The following PXDNL variants were observed in gnomAD, a reference collection of about 807,000 sequenced individuals.
PXDNL encodes probable oxidoreductase PXDNL.
A neutral mutation model predicts 150.8 loss-of-function variants in PXDNL; 145 were observed. That is an observed-to-expected ratio of 0.96 (90% CI 0.84 to 1.10). The LOEUF is 1.10. Among genes scored for constraint, PXDNL ranks in the 50% least tolerant of loss-of-function variants. The pLI is 0.00. For missense variants in PXDNL, 2,087 were observed against 1,873.9 expected (o/e 1.11, Z -2.10); for synonymous variants, 757 against 725.7 (o/e 1.04, Z -0.69).
At chr8:51,363,335 C>A (rs1261504907) in intron 19 of PXDNL, among the ~76,000 whole-genome samples, 1 of 151,746 alleles carries the variant, frequency 6.6e-6, no homozygotes, top group Admixed American at 6.6e-5. Flanking sequence ...GTAGACAAAA[C>A]CCCTCAGACA....
chr8:51,497,898 A>T (rs1244005489), intron 5 of PXDNL, among the ~76,000 whole-genome samples: 1 of 152,204 alleles, frequency 6.6e-6, no homozygotes, highest in Non-Finnish European at 1.5e-5. Context: ...CTAGAACTAG[A>T]AATATCATTT....
chr8:51,377,505 G>A (rs1446193512), intron 17 of PXDNL, among the ~76,000 whole-genome samples: 1 of 152,206 alleles, frequency 6.6e-6, no homozygotes, highest in East Asian at 1.9e-4. Context: ...TCAGCTTGCA[G>A]GGAGGTGTGG....
intron 1 of PXDNL, among the ~76,000 whole-genome samples, chr8:51,685,661 C>T (rs1180446472): frequency 6.6e-6 from 1 of 152,166 alleles, no homozygotes; most frequent in Admixed American, 6.5e-5. Flanking sequence ...TACACATAGG[C>T]ATTGTGGTGT....
intron 2 of PXDNL, among the ~76,000 whole-genome samples, chr8:51,626,859 G>C (rs1283358285): frequency 6.6e-6 from 1 of 152,154 alleles, no homozygotes; most frequent in Non-Finnish European, 1.5e-5. Context: ...TGTAAGTGGT[G>C]AGTGATGGCA....
At chr8:51,786,469 A>T (rs1284873883) in intron 1 of PXDNL, among the ~76,000 whole-genome samples, 1 of 152,114 alleles carries the variant, frequency 6.6e-6, no homozygotes, top group Non-Finnish European at 1.5e-5. Flanking sequence ...TTGGCCTCCC[A>T]AAGTGTGGAA....
At chr8:51,387,983 G>A (rs938486746) in intron 17 of PXDNL, among the ~76,000 whole-genome samples, 1 of 152,070 alleles carries the variant, frequency 6.6e-6, no homozygotes, top group Non-Finnish European at 1.5e-5. Flanking sequence ...TGTAAAAAAT[G>A]ACTTCAGGGT....
chr8:51,756,268 G>A (rs1046141270), intron 1 of PXDNL, among the ~76,000 whole-genome samples: 42 of 151,872 alleles, frequency 2.8e-4, no homozygotes, highest in Middle Eastern at 3.4e-3. Flanking sequence ...GTGGTGCGCC[G>A]GCAGTCTCTG....
intron 18 of PXDNL, among the ~76,000 whole-genome samples, chr8:51,374,017 A>G (rs1807216968): frequency 6.6e-6 from 1 of 152,242 alleles, no homozygotes; most frequent in African/African-American, 2.4e-5. Flanking sequence ...ATTTACAATG[A>G]ACATTTTAGA....
chr8:51,578,702 C>T (rs1563471661), intron 3 of PXDNL, among the ~76,000 whole-genome samples: 2 of 151,884 alleles, frequency 1.3e-5, no homozygotes, highest in African/African-American at 4.8e-5. Context: ...AACTGTCTAC[C>T]TGGCTTCAGG....
chr8:51,324,145 T>TTAC (rs1254339724), intron 21 of PXDNL, among the ~76,000 whole-genome samples: 1 of 152,228 alleles, frequency 6.6e-6, no homozygotes, highest in Non-Finnish European at 1.5e-5. Flanking sequence ...TTGTATCCTG[T>TTAC]AACCTTGCTC....
intron 4 of PXDNL, among the ~76,000 whole-genome samples, chr8:51,533,587 CT>C (rs1393701789): frequency 6.8e-6 from 1 of 148,026 alleles, no homozygotes; most frequent in Non-Finnish European, 1.5e-5. Context: ...TCACTGCAAC[CT>C]CCCTGCCTGA....
chr8:51,583,950 G>A (rs180784554), intron 3 of PXDNL, among the ~76,000 whole-genome samples: 6 of 152,068 alleles, frequency 3.9e-5, no homozygotes, highest in Admixed American at 1.3e-4. Context: ...TGGATGAGTC[G>A]CCCAAAGAGG....
chr8:51,407,150 T>C (rs1442991960), intron 17 of PXDNL, among the ~76,000 whole-genome samples: 1 of 152,204 alleles, frequency 6.6e-6, no homozygotes, highest in Admixed American at 6.5e-5. Flanking sequence ...TCCAAATCAA[T>C]GTCCTTTCCA....
intron 5 of PXDNL, among the ~76,000 whole-genome samples, chr8:51,491,727 C>CA (rs1810900406): frequency 6.6e-6 from 1 of 152,174 alleles, no homozygotes; most frequent in South Asian, 2.1e-4. Flanking sequence ...TTATTGGCTA[C>CA]ACGACAAAAA....
At chr8:51,339,560 A>G in intron 21 of PXDNL, 64 bp downstream of exon 21, 2 of 1,508,264 alleles carry the variant, frequency 1.3e-6, no homozygotes, top group Non-Finnish European at 1.8e-6. Context: ...TACTGGACAA[A>G]TCTTTTATGT....
chr8:51,544,869 G>A (rs1234976773), intron 4 of PXDNL, among the ~76,000 whole-genome samples: 1 of 151,712 alleles, frequency 6.6e-6, no homozygotes, highest in Non-Finnish European at 1.5e-5. Context: ...AATTTAAAAT[G>A]GATGATGTAC....
chr8:51,532,140 C>T (rs1811920321), intron 4 of PXDNL, among the ~76,000 whole-genome samples: 1 of 152,156 alleles, frequency 6.6e-6, no homozygotes, highest in Admixed American at 6.5e-5. Flanking sequence ...CTTAAGCTGG[C>T]TTAGTAATAG....
intron 4 of PXDNL, among the ~76,000 whole-genome samples, chr8:51,523,679 T>G (rs908281671): frequency 6.6e-6 from 1 of 152,236 alleles, no homozygotes; most frequent in Non-Finnish European, 1.5e-5. Flanking sequence ...TACTGCAAAC[T>G]GCACCTGCTT....
chr8:51,638,060 G>A (rs1448060854), intron 2 of PXDNL, among the ~76,000 whole-genome samples: 1 of 152,140 alleles, frequency 6.6e-6, no homozygotes, highest in Non-Finnish European at 1.5e-5. Context: ...CATTCTTAAA[G>A]AAAAGAATTT....
Sources: allele counts gnomAD v4.1 joint callset (sites outside exome capture counted in the v4.1 genomes callset), GRCh38; gene constraint gnomAD v4.1.1; transcripts MANE v1.5; gene names NCBI Gene and HGNC (gene_info 2026-07-23, HGNC 2026-07-21).